MALRD1: variants seen among roughly 807,000 people sequenced by gnomAD.
MALRD1 encodes MAM and LDL receptor class A domain containing 1, also known as MAM and LDL-receptor class A domain-containing protein 1.
A neutral mutation model predicts 242.1 loss-of-function variants in MALRD1; 247 were observed. The observed-to-expected ratio is 1.02, with a 90% confidence interval of 0.92 to 1.13. The LOEUF is 1.13. Among genes scored for constraint, MALRD1 ranks in the 50% most tolerant of loss-of-function variants. MALRD1 has a pLI of 0.00. For missense variants in MALRD1, 2,989 were observed against 2,533.1 expected (o/e 1.18, Z -3.86); for synonymous variants, 995 against 866.6 (o/e 1.15, Z -2.60).
At chr10:19,620,369 C>A (rs922858292) in intron 36 of MALRD1, among the ~76,000 whole-genome samples, 1 of 151,920 alleles carries the variant, frequency 6.6e-6, no homozygotes, top group Non-Finnish European at 1.5e-5. Context: ...TTCTTTGTGT[C>A]CAAGTATATT....
intron 34 of MALRD1, among the ~76,000 whole-genome samples, chr10:19,605,994 C>A (rs1165298510): frequency 6.6e-6 from 1 of 151,958 alleles, no homozygotes; most frequent in Non-Finnish European, 1.5e-5. Context: ...AAGAGTACTG[C>A]CTAAATTTTT....
chr10:19,107,277 T>A (rs1836496764), intron 5 of MALRD1, among the ~76,000 whole-genome samples: 1 of 152,172 alleles, frequency 6.6e-6, no homozygotes, highest in Middle Eastern at 3.4e-3. Flanking sequence ...TCTATACATC[T>A]AATAATGTTT....
intron 38 of MALRD1, among the ~76,000 whole-genome samples, chr10:19,698,226 G>A (rs1010598815): frequency 1.3e-5 from 2 of 152,190 alleles, no homozygotes; most frequent in African/African-American, 4.8e-5. Flanking sequence ...CATTTGAGGT[G>A]TAAAGCTCAG....
chr10:19,137,290 C>T (rs1039821368), intron 10 of MALRD1, among the ~76,000 whole-genome samples: 6 of 151,952 alleles, frequency 3.9e-5, no homozygotes, highest in Admixed American at 1.3e-4. Context: ...GGAAGGGCCG[C>T]TCTCCTCTTA....
chr10:19,101,526 T>C (rs946967002), intron 4 of MALRD1, among the ~76,000 whole-genome samples: 1 of 135,894 alleles, frequency 7.4e-6, no homozygotes, highest in Non-Finnish European at 1.5e-5. Flanking sequence ...ATATAATATA[T>C]AATATTGATA....
At chr10:19,380,790 C>T (rs1049612324) in intron 26 of MALRD1, among the ~76,000 whole-genome samples, 3 of 152,080 alleles carry the variant, frequency 2.0e-5, no homozygotes, top group African/African-American at 4.8e-5. Flanking sequence ...TTGTTGTCAT[C>T]GTTTTTAATA....
rs546667388 is a variant in MALRD1, at chr10:19,391,124, G to A, written c.4845+1515G>A. Among the ~76,000 whole-genome samples the A allele has an allele frequency of 1.2e-4, 18 of 152,212 alleles. No homozygotes were observed. The South Asian group carries it at 1.5e-3, about 12-fold the overall frequency. Reference sequence around the variant, plus strand: ...AAAGTGTAATACTAAACCATTTTGCGATATTAGTCTTCCTACCAATGGCAT... The same window carrying A: ...AAAGTGTAATACTAAACCATTTTGCAATATTAGTCTTCCTACCAATGGCAT... On this transcript the variant is annotated intron_variant, in intron 28 of 39. Transcript: ENST00000454679.
intron 18 of MALRD1, among the ~76,000 whole-genome samples, chr10:19,226,243 C>T (rs999103710): frequency 6.6e-6 from 1 of 151,864 alleles, no homozygotes; most frequent in Admixed American, 6.6e-5. Context: ...GTGACACTCT[C>T]GATAGATGCA....
chr10:19,205,939 T>C (rs1836763863), intron 17 of MALRD1, among the ~76,000 whole-genome samples: 1 of 150,600 alleles, frequency 6.6e-6, no homozygotes, highest in South Asian at 2.1e-4. Flanking sequence ...TACAAAACCC[T>C]GTCAAGAAAA....
intron 24 of MALRD1, among the ~76,000 whole-genome samples, chr10:19,341,452 GTGTATATATATGTATATATGTATATATA>G (rs1564576991): frequency 5.5e-5 from 7 of 126,208 alleles, no homozygotes; most frequent in South Asian, 5.1e-4. Flanking sequence ...ATATATATAT[GTGTATATATATGTATATATGTATATATA>G]TGTGTATATA....
chr10:19,448,600 G>C (rs557887752), intron 28 of MALRD1, among the ~76,000 whole-genome samples: 1 of 151,972 alleles, frequency 6.6e-6, no homozygotes, highest in South Asian at 2.1e-4. Flanking sequence ...ATTTTTATTC[G>C]GTCATTGGGA....
At chr10:19,186,051 C>G (rs1278457069) in intron 14 of MALRD1, among the ~76,000 whole-genome samples, 10 of 151,956 alleles carry the variant, frequency 6.6e-5, no homozygotes, top group Non-Finnish European at 1.2e-4. Context: ...ATCTTATGTT[C>G]TTTTTCCATA....
chr10:19,685,574 A>C (rs920348412), intron 36 of MALRD1, among the ~76,000 whole-genome samples: 1 of 152,232 alleles, frequency 6.6e-6, no homozygotes, highest in African/African-American at 2.4e-5. Context: ...CTGAAAGTCT[A>C]CATGCAGAGC....
chr10:19,367,660 T>C (rs1321687348), intron 26 of MALRD1, among the ~76,000 whole-genome samples: 1 of 152,170 alleles, frequency 6.6e-6, no homozygotes, highest in Non-Finnish European at 1.5e-5. Context: ...GCAGTTCTAT[T>C]TGAAGTTTTT....
At chr10:19,264,681 C>T (rs1359034312) in intron 19 of MALRD1, among the ~76,000 whole-genome samples, 1 of 152,094 alleles carries the variant, frequency 6.6e-6, no homozygotes, top group African/African-American at 2.4e-5. Context: ...TCTCGATCTC[C>T]TGGCCTCGTT....
chr10:19,135,910 A>G (rs768904290), intron 9 of MALRD1, among the ~76,000 whole-genome samples: 7 of 152,168 alleles, frequency 4.6e-5, no homozygotes, highest in Non-Finnish European at 7.4e-5. Flanking sequence ...ATTTGCTAAT[A>G]TTGCTTATCT....
chr10:19,119,733 A>C (rs1416892292), intron 5 of MALRD1, among the ~76,000 whole-genome samples: 1 of 152,134 alleles, frequency 6.6e-6, no homozygotes, highest in African/African-American at 2.4e-5. Flanking sequence ...TCTTGTGACT[A>C]ATGTTAGTCC....
At position 19,450,355 on chromosome 10, in the gene MALRD1, G is replaced by C; in HGVS notation, c.4894G>C (p.Gly1632Arg). 1 of 1,549,616 alleles carries C rather than the reference G, an allele frequency of 6.5e-7. No homozygotes were observed. Among genetic ancestry groups the C allele is most frequent in the Non-Finnish European group, 8.7e-7 (1 of 1,146,908 alleles). The change falls in exon 29 of 40, where the codon GGT (glycine) becomes CGT (arginine). Residue 1632 changes from glycine to arginine, a missense_variant. Transcript: ENST00000454679. ...KVWQESKQNP[G>R]NHWQKADILL... ...ATGGCAAGAAAGTAAGCAGAACCCT[G>C]GTAATCATTGGCAAAAGGCTGACAT...
chr10:19,523,958 C>A (rs1833985764), intron 31 of MALRD1, among the ~76,000 whole-genome samples: 1 of 152,058 alleles, frequency 6.6e-6, no homozygotes, highest in South Asian at 2.1e-4. Context: ...ATGCCTAAAG[C>A]ATTACTTATT....
Sources: gnomAD v4.1 joint callset for allele counts (sites outside exome capture counted in the v4.1 genomes callset) on GRCh38, gnomAD v4.1.1 for gene constraint, MANE v1.5 for transcripts, NCBI Gene and HGNC (gene_info 2026-07-23, HGNC 2026-07-21) for gene names.